Variants in KCTD3 observed in about 807,000 individuals in gnomAD.
KCTD3 encodes the protein potassium channel tetramerization domain containing 3, also known as BTB/POZ domain-containing protein KCTD3.
A neutral mutation model predicts 85.8 loss-of-function variants in KCTD3; 41 were observed. That is an observed-to-expected ratio of 0.48 (90% CI 0.37 to 0.62). KCTD3 has a LOEUF of 0.62. Among genes scored for constraint, KCTD3 ranks in the 20% least tolerant of loss-of-function variants. KCTD3 has a pLI of 0.00. For synonymous variants in KCTD3, 338 were observed against 345.4 expected (o/e 0.98, Z 0.24); for missense variants, 724 against 989.9 (o/e 0.73, Z 3.60).
rs765021044 is a variant in KCTD3 at position 215,595,418 on chromosome 1, A to G, written c.880A>G (p.Thr294Ala). 6.2e-7 allele frequency: 1 copy of G among 1,614,014 alleles called. No individual in the cohort carries two copies. Among genetic ancestry groups the G allele is most frequent in the Non-Finnish European group, 8.5e-7 (1 of 1,179,898 alleles). ...LFFIGNQLVA[T>A]SHTGKVGVWN... ...CTTTATTGGTAACCAGTTGGTGGCC[A>G]CGAGTCATACAGGGAAAGTGGGAGT... The change falls in exon 10 of 18, where the codon ACG becomes GCG. Residue 294 changes from threonine to alanine, a missense_variant. This residue lies in a region of KCTD3 where 146 missense variants were observed against 320.3 expected (regional missense o/e 0.46). Transcript: ENST00000259154.
chr1:215,600,255 A>G (rs1394259659), intron 10 of KCTD3, among the ~76,000 whole-genome samples: 3 of 152,232 alleles, frequency 2.0e-5, no homozygotes, highest in Non-Finnish European at 4.4e-5. Flanking sequence ...GGGTACAGAA[A>G]TTAGGATTAT....
At chr1:215,569,486 A>G (rs559833721) in intron 1 of KCTD3, among the ~76,000 whole-genome samples, 1 of 151,656 alleles carries the variant, frequency 6.6e-6, no homozygotes, top group African/African-American at 2.4e-5. Flanking sequence ...ATTAAGCAGT[A>G]TTGTTATTTA....
In KCTD3 at chr1:215,574,059, TTAA is replaced by T. The variant is rs2102553604; in HGVS notation, c.138-12_138-10del. 1 of 1,575,118 alleles carries T rather than the reference TTAA, an allele frequency of 6.3e-7. No individual in the cohort carries two copies. Among genetic ancestry groups the T allele is most frequent in the East Asian group, 2.2e-5 (1 of 44,454 alleles). On this transcript the variant is annotated splice_polypyrimidine_tract_variant and intron_variant, in intron 2 of 17. Coordinates refer to ENST00000259154, the MANE Select transcript of KCTD3 (RefSeq NM_016121.5). ...GATTTTAAAAACTAACTTTAGATTA[TTAA>T]TGACTTCCAGTTTGCTGAGTGGGAG...
chr1:215,607,923 A>G, intron 13 of KCTD3, 94 bp from the exon 14 acceptor site: 1 of 876,300 alleles, frequency 1.1e-6, no homozygotes, highest in Non-Finnish European at 1.6e-6. Flanking sequence ...TGCCACTTAT[A>G]CTCTGATCTG....
chr1:215,595,454 G>A lies in KCTD3; in HGVS notation c.916G>A (p.Val306Ile), dbSNP rs1186133678. The A allele has an allele frequency of 6.2e-7, 1 of 1,604,698 alleles. No homozygotes were observed. Among genetic ancestry groups the A allele is most frequent in the Non-Finnish European group, 8.5e-7 (1 of 1,171,534 alleles). Residue 306 changes from valine to isoleucine, a missense_variant, in exon 10 of 18, where the codon GTC becomes ATC. Physicochemically the swap from Val to Ile is conservative, Grantham distance 29 (BLOSUM62 3). Transcript: ENST00000259154. ...AGGGAAAGTGGGAGTGTGGAATGCTGTCACTCAGCACTGGCAGGTTAGTTT... is the reference window on the plus strand; with the variant it reads ...AGGGAAAGTGGGAGTGTGGAATGCTATCACTCAGCACTGGCAGGTTAGTTT... ...HTGKVGVWNA[V>I]TQHWQVQDVV...
At chr1:215,593,823 A>G (rs1660309404) in intron 9 of KCTD3, among the ~76,000 whole-genome samples, 1 of 151,638 alleles carries the variant, frequency 6.6e-6, no homozygotes, top group Non-Finnish European at 1.5e-5. Flanking sequence ...AATGATTAAG[A>G]TAATGCTATT....
At chr1:215,582,583 A>G (rs1659865143) in intron 8 of KCTD3, among the ~76,000 whole-genome samples, 1 of 152,158 alleles carries the variant, frequency 6.6e-6, no homozygotes, top group Non-Finnish European at 1.5e-5. Flanking sequence ...AGATTTTGAG[A>G]CAGAGTCTTG....
At chr1:215,577,581 C>T (rs1659636505) in intron 4 of KCTD3, 89 bp from the exon 5 acceptor site, 2 of 799,198 alleles carry the variant, frequency 2.5e-6, no homozygotes, top group South Asian at 1.4e-5. Flanking sequence ...TGACTATATA[C>T]ATGAAGAACC....
At chr1:215,584,809 T>C (rs565845115) in intron 8 of KCTD3, among the ~76,000 whole-genome samples, 4 of 152,344 alleles carry the variant, frequency 2.6e-5, no homozygotes, top group East Asian at 1.9e-4. Context: ...CAGATTCTTA[T>C]TGTAGTTACA....
intron 10 of KCTD3, among the ~76,000 whole-genome samples, chr1:215,601,617 A>G (rs1462453366): frequency 2.0e-5 from 3 of 152,174 alleles, no homozygotes; most frequent in African/African-American, 7.2e-5. Flanking sequence ...TTGAGAAAGG[A>G]AAGTACTGCT....
rs1417904811 is a variant in KCTD3 at position 215,610,381 on chromosome 1, G to A, written c.1466-1444G>A. 4.6e-5 allele frequency among the ~76,000 whole-genome samples: 7 copies of A among 151,772 alleles called. No homozygotes were observed. In the East Asian group the frequency reaches 1.4e-3, roughly 29 times the overall value. ...CTCATTAAAGTTAAGAAAGACCTAG[G>A]AATATTTTGTATTCCAAGGAAAGGA... On this transcript the variant is annotated intron_variant, in intron 14 of 17. Transcript: ENST00000259154.
intron 12 of KCTD3, among the ~76,000 whole-genome samples, chr1:215,603,105 C>T (rs1173181504): frequency 6.6e-6 from 1 of 151,858 alleles, no homozygotes; most frequent in Non-Finnish European, 1.5e-5. Flanking sequence ...CTACTTGGCC[C>T]CTTACGGAAA....
chr1:215,595,773 C>A (rs1660395100), intron 10 of KCTD3, among the ~76,000 whole-genome samples: 1 of 152,012 alleles, frequency 6.6e-6, no homozygotes, highest in Non-Finnish European at 1.5e-5. Context: ...AGAATAGGAG[C>A]ACAGATCTGT....
At chr1:215,613,547 T>C (rs1655310353) in intron 15 of KCTD3, among the ~76,000 whole-genome samples, 1 of 152,230 alleles carries the variant, frequency 6.6e-6, no homozygotes, top group East Asian at 1.9e-4. Flanking sequence ...CAGTTGCTTT[T>C]GGAGTCTTTG....
At chr1:215,615,509 A>G (rs1173287010) in intron 15 of KCTD3, among the ~76,000 whole-genome samples, 1 of 151,908 alleles carries the variant, frequency 6.6e-6, no homozygotes, top group Non-Finnish European at 1.5e-5. Flanking sequence ...AGTCCCAGCT[A>G]CTTGGGAGGC....
chr1:215,604,097 T>C, intron 12 of KCTD3, 35 bp from the exon 13 acceptor site: 4 of 1,521,730 alleles, frequency 2.6e-6, no homozygotes, highest in Non-Finnish European at 2.7e-6. Flanking sequence ...TATCGTTCCA[T>C]AATGTATCAC....
chr1:215,590,437 T>C (rs925290579), intron 9 of KCTD3, among the ~76,000 whole-genome samples: 15 of 152,144 alleles, frequency 9.9e-5, no homozygotes, highest in Admixed American at 6.5e-5. Context: ...TCCCTTCCTC[T>C]TTTCTCCATC....
intron 15 of KCTD3, among the ~76,000 whole-genome samples, chr1:215,613,630 T>G (rs1327085392): frequency 6.6e-6 from 1 of 152,174 alleles, no homozygotes; most frequent in Non-Finnish European, 1.5e-5. Context: ...TTTACAGTTT[T>G]AGGTTTTACA....
At chr1:215,584,325 T>A (rs1205002535) in intron 8 of KCTD3, among the ~76,000 whole-genome samples, 1 of 152,230 alleles carries the variant, frequency 6.6e-6, no homozygotes, top group Admixed American at 6.5e-5. Context: ...TAGGACTGAT[T>A]TGTTTGCAAA....
Sources: allele counts gnomAD v4.1 joint callset (sites outside exome capture counted in the v4.1 genomes callset), GRCh38; gene constraint gnomAD v4.1.1; regional missense constraint gnomAD v4.1.1; transcripts MANE v1.5; gene names NCBI Gene and HGNC (gene_info 2026-07-23, HGNC 2026-07-21).